KLHL14: variants seen among roughly 807,000 people sequenced by gnomAD.
KLHL14 encodes the protein kelch-like protein 14.
In KLHL14, 22 loss-of-function variants were observed where a neutral mutation model predicts 64.3. That is an observed-to-expected ratio of 0.34 (90% CI 0.24 to 0.49). The LOEUF (loss-of-function observed/expected upper bound fraction) is 0.49. KLHL14 is among the 20% of genes least tolerant of loss of function. The pLI is 0.99. For synonymous variants in KLHL14, 322 were observed against 333.4 expected (o/e 0.97, Z 0.37); for missense variants, 661 against 789.0 (o/e 0.84, Z 1.94).
intron 5 of KLHL14, among the ~76,000 whole-genome samples, chr18:32,686,177 ATTTTTTTTTTTT>A (rs148393455): frequency 5.6e-5 from 6 of 107,674 alleles, no homozygotes; most frequent in East Asian, 2.7e-4. Context: ...GTGCCCGGCT[ATTTTTTTTTTTT>A]TTTTTTTTTT....
At chr18:32,754,956 A>T (rs2144543421) in intron 2 of KLHL14, among the ~76,000 whole-genome samples, 1 of 152,184 alleles carries the variant, frequency 6.6e-6, no homozygotes, top group South Asian at 2.1e-4. Flanking sequence ...ATTTTTGTGT[A>T]GATCTGCAGC....
intron 3 of KLHL14, among the ~76,000 whole-genome samples, chr18:32,710,295 T>C (rs878885563): frequency 6.6e-6 from 1 of 152,210 alleles, no homozygotes; most frequent in Admixed American, 6.5e-5. Flanking sequence ...AAGTTTGCAA[T>C]TGTTGAAGTA....
intron 3 of KLHL14, among the ~76,000 whole-genome samples, chr18:32,731,138 C>T (rs575458112): frequency 6.6e-6 from 1 of 152,126 alleles, no homozygotes. Flanking sequence ...ATCCACAAAA[C>T]CAAAAATTCT....
intron 1 of KLHL14, among the ~76,000 whole-genome samples, chr18:32,771,419 C>T (rs2144202583): frequency 6.6e-6 from 1 of 152,280 alleles, no homozygotes; most frequent in African/African-American, 2.4e-5. Context: ...CGCTTCCCCG[C>T]TTCGCAAACT....
intron 3 of KLHL14, among the ~76,000 whole-genome samples, chr18:32,722,823 C>T (rs1370597487): frequency 6.6e-6 from 1 of 152,108 alleles, no homozygotes; most frequent in African/African-American, 2.4e-5. Context: ...GGCGTGATGG[C>T]ACATACCTGT....
chr18:32,690,232 T>C (rs1455144510), intron 4 of KLHL14, among the ~76,000 whole-genome samples: 10 of 152,036 alleles, frequency 6.6e-5, no homozygotes, highest in Admixed American at 4.6e-4. Context: ...GGCAAAACAG[T>C]GGATTACTGC....
chr18:32,769,662 C>T lies in KLHL14; in HGVS notation c.930G>A (p.Arg310=), dbSNP rs2050366698. 3.6e-6 allele frequency: 5 copies of T among 1,391,462 alleles called. No individual in the cohort carries two copies. The highest frequency in any genetic ancestry group is 4.5e-5 in the Admixed American group (2 of 44,544). The allele number at this position is 1,391,462 out of a possible 1,614,324, so 86.2% of individuals were successfully genotyped here. Residue 310 remains arginine (R), a synonymous_variant, in exon 2 of 9, where the codon AGG becomes AGA. Transcript: ENST00000359358. ...YHLMPFRQHC[R]QSLASRIRSN... ...TCTCCTACCTGCTGGCCAGGCTCTG[C>T]CTGCAGTGCTGCCTGAAGGGCATCA... is the stretch of plus-strand genomic sequence containing the variant.
At chr18:32,768,485 C>G (rs1374483199) in intron 2 of KLHL14, among the ~76,000 whole-genome samples, 2 of 151,734 alleles carry the variant, frequency 1.3e-5, no homozygotes, top group Non-Finnish European at 2.9e-5. Context: ...AGACATCATT[C>G]TGACTGGGAA....
chr18:32,718,946 A>C (rs2144507736), intron 3 of KLHL14, among the ~76,000 whole-genome samples: 1 of 152,122 alleles, frequency 6.6e-6, no homozygotes, highest in Non-Finnish European at 1.5e-5. Context: ...GGGAACATGA[A>C]CTTTCTTTCT....
chr18:32,705,785 C>T (rs7234525), intron 3 of KLHL14, among the ~76,000 whole-genome samples: 1 of 151,934 alleles, frequency 6.6e-6, no homozygotes, highest in Non-Finnish European at 1.5e-5. Context: ...TTGAGGCCTG[C>T]GAAAATGTGT....
intron 3 of KLHL14, among the ~76,000 whole-genome samples, chr18:32,708,286 C>A (rs548631590): frequency 6.6e-6 from 1 of 152,284 alleles, no homozygotes; most frequent in South Asian, 2.1e-4. Flanking sequence ...ACCAGAGGTG[C>A]TAGAGGATTT....
chr18:32,772,066 A>G (rs1268981578), intron 1 of KLHL14: 2 of 284,660 alleles, frequency 7.0e-6, no homozygotes, highest in Non-Finnish European at 1.4e-5. Context: ...CTGAGCAGAA[A>G]GGGACCCTCT....
chr18:32,700,259 C>T (rs928578006), intron 3 of KLHL14, among the ~76,000 whole-genome samples: 1 of 152,140 alleles, frequency 6.6e-6, no homozygotes, highest in Non-Finnish European at 1.5e-5. Context: ...TTGGATGTGA[C>T]ATTTGTGAAG....
intron 3 of KLHL14, chr18:32,737,756 A>C (rs1411003702): frequency 1.3e-5 from 2 of 152,096 alleles, no homozygotes; most frequent in Admixed American, 1.3e-4. Context: ...AGTTTCCTTT[A>C]TTTTCCATGA....
At chr18:32,698,617 CAGAG>C (rs747615765) in intron 3 of KLHL14, among the ~76,000 whole-genome samples, 39 of 152,252 alleles carry the variant, frequency 2.6e-4, no homozygotes, top group Non-Finnish European at 1.6e-4. Context: ...TCACTTTACT[CAGAG>C]GGAGTAGGAG....
chr18:32,764,446 A>T (rs2050330158), intron 2 of KLHL14, among the ~76,000 whole-genome samples: 1 of 152,164 alleles, frequency 6.6e-6, no homozygotes. Context: ...ATGAAGACTA[A>T]TGGGGATTTT....
At chr18:32,723,394 C>T (rs991006190) in intron 3 of KLHL14, among the ~76,000 whole-genome samples, 2 of 152,198 alleles carry the variant, frequency 1.3e-5, no homozygotes, top group Admixed American at 6.5e-5. Flanking sequence ...AAATTAGGGG[C>T]TCTCTTGCCT....
intron 2 of KLHL14, among the ~76,000 whole-genome samples, chr18:32,765,832 C>T (rs1035038738): frequency 6.6e-6 from 1 of 152,040 alleles, no homozygotes; most frequent in Non-Finnish European, 1.5e-5. Flanking sequence ...TAGATTTTTA[C>T]ATTAATTTAT....
At chr18:32,678,497 T>C (rs945183927) in intron 7 of KLHL14, among the ~76,000 whole-genome samples, 5 of 152,080 alleles carry the variant, frequency 3.3e-5, no homozygotes, top group African/African-American at 1.2e-4. Flanking sequence ...AACACCAGAG[T>C]ATATTCCTTT....
Sources: allele counts gnomAD v4.1 joint callset (sites outside exome capture counted in the v4.1 genomes callset), GRCh38; gene constraint gnomAD v4.1.1; transcripts MANE v1.5; gene names NCBI Gene and HGNC (gene_info 2026-07-23, HGNC 2026-07-21).